The following ROS1 variants were observed in gnomAD, a reference collection of about 807,000 sequenced individuals.
ROS1 encodes proto-oncogene tyrosine-protein kinase ROS.
ROS1 carries 263 observed loss-of-function variants against 273.5 expected under a neutral mutation model. The observed-to-expected ratio is 0.96, with a 90% CI of 0.87 to 1.06. ROS1 has a LOEUF of 1.06. Ranked by LOEUF, ROS1 falls within the 50% of genes least tolerant of loss-of-function variation. The probability of loss-of-function intolerance (pLI) is 0.00; values close to 1 mark genes in which losing one functional copy is unlikely to be tolerated. For synonymous variants in ROS1, 1,008 were observed against 954.1 expected (o/e 1.06, Z -1.04); for missense variants, 2,833 against 2,751.1 (o/e 1.03, Z -0.67).
Position 117,300,928 on chromosome 6 carries a change from T to C in ROS1, c.6715+46A>G, listed in dbSNP as rs1446147595. On this transcript the variant is annotated intron_variant, in intron 43 of 43. Coordinates refer to ENST00000368507, the MANE Select transcript of ROS1 (RefSeq NM_001378902.1). Reference sequence around the variant, plus strand: ...TACATTCCATTTTAACTTTGTTCAGTTCACAGTGCAGCGAAAACTAGAAAA... The same window carrying C: ...TACATTCCATTTTAACTTTGTTCAGCTCACAGTGCAGCGAAAACTAGAAAA... 6.1e-6 allele frequency: 9 copies of C among 1,466,918 alleles called. No homozygotes were observed. In the African/African-American group the frequency reaches 1.0e-4, roughly 16 times the overall value. The allele number at this position is 1,466,918 out of a possible 1,614,324, so 90.9% of individuals were successfully genotyped here. A position where few individuals can be genotyped will look rare whatever the true frequency, so the allele number is the denominator to read the frequency against.
At chr6:117,330,345 G>T (rs928594207) in intron 32 of ROS1, among the ~76,000 whole-genome samples, 1 of 152,236 alleles carries the variant, frequency 6.6e-6, no homozygotes, top group African/African-American at 2.4e-5. Context: ...CCCCTAGGGG[G>T]AGGGGTGGCT....
Position 117,341,601 on chromosome 6 carries a change from A to G in ROS1, c.4683T>C (p.Thr1561=). 6.2e-7 allele frequency: 1 copy of G among 1,613,630 alleles called. No individual in the cohort carries two copies. The highest frequency in any genetic ancestry group is 8.5e-7 in the Non-Finnish European group (1 of 1,179,636). Residue 1561 remains threonine, a synonymous_variant, in exon 30 of 44, where the codon ACT becomes ACC. Transcript: ENST00000368507. Reference sequence around the variant, plus strand: ...TAATGAGGCTGGTGTCTGACCGCACAGTTGTATTAATGAGCTGCACTGCCT... The same window carrying G: ...TAATGAGGCTGGTGTCTGACCGCACGGTTGTATTAATGAGCTGCACTGCCT... ...VPEAVQLINT[T]VRSDTSLIIS...
chr6:117,346,947 G>A (rs575977175), intron 27 of ROS1, among the ~76,000 whole-genome samples: 1 of 152,166 alleles, frequency 6.6e-6, no homozygotes, highest in African/African-American at 2.4e-5. Flanking sequence ...TCTTATTACT[G>A]TCTACATAGT....
intron 43 of ROS1, among the ~76,000 whole-genome samples, chr6:117,292,022 T>A (rs1181327186): frequency 1.3e-5 from 2 of 151,626 alleles, no homozygotes; most frequent in African/African-American, 2.4e-5. Context: ...CAGGCTGGAG[T>A]GCAGTGGTGC....
chr6:117,409,611 G>A lies in ROS1; in HGVS notation c.287C>T (p.Ala96Val), dbSNP rs145609658. 4.6e-5 allele frequency: 74 copies of A among 1,613,728 alleles called. 1 individual carries two copies. Among genetic ancestry groups the A allele is most frequent in the African/African-American group, 4.1e-4 (31 of 74,858 alleles). The part of the protein sequence containing the change: ...RESCEVGCSS[A>V]EGAYEEEVLE... ...TACTTCCTCTTCATATGCACCTTCC[G>A]CGCTGCTACAGCCAACCTCACACGA... The change falls in exon 5 of 44, where the codon GCG (alanine) becomes GTG (valine). Residue 96 changes from alanine (A) to valine (V), a missense_variant. Coordinates refer to ENST00000368507, the MANE Select transcript of ROS1 (RefSeq NM_001378902.1).
intron 27 of ROS1, among the ~76,000 whole-genome samples, chr6:117,346,013 T>C (rs753754362): frequency 6.6e-6 from 1 of 152,164 alleles, no homozygotes; most frequent in African/African-American, 2.4e-5. Flanking sequence ...TAGAGATGGA[T>C]AACCTTACTA....
chr6:117,325,289 A>G (rs1776554653), intron 34 of ROS1, among the ~76,000 whole-genome samples: 1 of 152,300 alleles, frequency 6.6e-6, no homozygotes, highest in East Asian at 1.9e-4. Context: ...ATTGGCAGAA[A>G]ATAAATAATA....
At chr6:117,298,358 A>G (rs761634141) in intron 43 of ROS1, among the ~76,000 whole-genome samples, 3 of 152,150 alleles carry the variant, frequency 2.0e-5, no homozygotes, top group Non-Finnish European at 2.9e-5. Flanking sequence ...GAGGAGTGAT[A>G]TAGTTAAGAA....
rs1003071300 is a variant in ROS1, at chr6:117,389,949, T to C, written c.1290-103A>G. On this transcript the variant is annotated intron_variant, in intron 12 of 43. Transcript: ENST00000368507. Reference sequence around the variant, plus strand: ...TCTGTTGCACAATCAGAACTATGTATCTCTGATGTTGCTAAGTACAGGATT... The same window carrying C: ...TCTGTTGCACAATCAGAACTATGTACCTCTGATGTTGCTAAGTACAGGATT... 17 of 1,006,816 alleles carry C rather than the reference T, an allele frequency of 1.7e-5. No individual in the cohort carries two copies. The Middle Eastern group carries it at 1.3e-3, about 78-fold the overall frequency. 62.4% of individuals were successfully genotyped at this position (1,006,816 alleles called of 1,614,324 possible).
chr6:117,393,143 A>G lies in ROS1; in HGVS notation c.1289+81T>C, dbSNP rs377761459. The stretch of plus-strand genomic sequence containing the variant: ...ATAGATAGGCTCATCTGGTACTACA[A>G]TGTTTCATTAGCAAGCAAGTTTCTC... On this transcript the variant is annotated intron_variant, in intron 12 of 43. Transcript: ENST00000368507. The G allele has an allele frequency of 9.3e-6, 8 of 859,028 alleles. No individual in the cohort carries two copies. In the Middle Eastern group the frequency reaches 7.0e-4, roughly 75 times the overall value. The allele number at this position is 859,028 out of a possible 1,614,324, so 53.2% of individuals were successfully genotyped here. A position where few individuals can be genotyped will look rare whatever the true frequency, so the allele number is the denominator to read the frequency against.
At chr6:117,412,425 G>A (rs1012566653) in intron 4 of ROS1, among the ~76,000 whole-genome samples, 3 of 152,020 alleles carry the variant, frequency 2.0e-5, no homozygotes, top group Non-Finnish European at 4.4e-5. Flanking sequence ...ACTAGCCATC[G>A]TCATTTTCCA....
intron 5 of ROS1, among the ~76,000 whole-genome samples, chr6:117,406,797 G>T (rs1315313004): frequency 2.0e-5 from 3 of 152,102 alleles, no homozygotes; most frequent in Non-Finnish European, 4.4e-5. Context: ...GAAATTGAAA[G>T]ATAAAACTGT....
chr6:117,303,770 A>T (rs1483909464), intron 42 of ROS1, among the ~76,000 whole-genome samples: 4 of 152,208 alleles, frequency 2.6e-5, no homozygotes, highest in Non-Finnish European at 5.9e-5. Flanking sequence ...GAAACTATTA[A>T]AGAAGACTAG....
intron 18 of ROS1, among the ~76,000 whole-genome samples, chr6:117,375,984 TA>T (rs1781301130): frequency 6.6e-6 from 1 of 151,614 alleles, no homozygotes. Flanking sequence ...CTTTTCAATC[TA>T]AAAAGCTAGA....
chr6:117,316,601 C>T (rs1015400258), intron 39 of ROS1, among the ~76,000 whole-genome samples: 2 of 152,074 alleles, frequency 1.3e-5, no homozygotes, highest in African/African-American at 2.4e-5. Flanking sequence ...ACTGCGGCTG[C>T]GTTTTGCAGG....
chr6:117,349,762 A>AG (rs1562299879), intron 27 of ROS1, among the ~76,000 whole-genome samples: 13 of 151,938 alleles, frequency 8.6e-5, no homozygotes, highest in Middle Eastern at 3.4e-3. Context: ...TTTTTCAGTG[A>AG]TTTGCCCTTG....
chr6:117,301,135 C>A lies in ROS1; in HGVS notation c.6554G>T (p.Trp2185Leu), dbSNP rs776629258. ...AGCCCAGCACTGGGTCATTAAATTCCACCTAAATATATGGGGAAAGATGGG... is the reference window on the plus strand; with the variant it reads ...AGCCCAGCACTGGGTCATTAAATTCAACCTAAATATATGGGGAAAGATGGG... ...EPPRNCPDDL[W>L]NLMTQCWAQE... The change falls in exon 43 of 44, where the codon TGG (tryptophan) becomes TTG (leucine). Residue 2185 changes from tryptophan (W) to leucine (L), a missense_variant and splice_region_variant. By Grantham distance (61) the Trp-to-Leu change is moderately conservative (BLOSUM62 -2). Transcript: ENST00000368507. The A allele has an allele frequency of 1.9e-6, 3 of 1,579,994 alleles. No homozygotes were observed. In the East Asian group the frequency reaches 6.9e-5, roughly 36 times the overall value.
intron 16 of ROS1, 66 bp downstream of exon 16, chr6:117,385,617 G>T: frequency 2.9e-6 from 4 of 1,357,022 alleles, no homozygotes; most frequent in Non-Finnish European, 2.0e-6. Context: ...AAAGAAATTG[G>T]TGTGCAAGTC....
rs2128548732 is a variant in ROS1, at chr6:117,310,270, G to C, written c.6227C>G (p.Ala2076Gly). The change falls in exon 41 of 44, where the codon GCT (alanine) becomes GGT (glycine). Residue 2076 changes from alanine to glycine, a missense_variant. Transcript: ENST00000368507. The part of the protein sequence containing the change: ...RMHFIHRDLA[A>G]RNCLVSVKDY... ...TTTCACGGAAACAAGGCAATTTCTA[G>C]CTGCCAGATCCCTGTGGCAGAAGTT... The C allele has an allele frequency of 1.2e-6, 2 of 1,607,266 alleles. No homozygotes were observed. Among genetic ancestry groups the C allele is most frequent in the Non-Finnish European group, 1.7e-6 (2 of 1,176,218 alleles).
Sources: gnomAD v4.1 joint callset for allele counts (sites outside exome capture counted in the v4.1 genomes callset) on GRCh38, gnomAD v4.1.1 for gene constraint, MANE v1.5 for transcripts, NCBI Gene and HGNC (gene_info 2026-07-23, HGNC 2026-07-21) for gene names.